LRIG2: variants seen among roughly 807,000 people sequenced by gnomAD.
LRIG2 encodes the protein leucine rich repeats and immunoglobulin like domains 2.
Under a neutral mutation model 107.8 loss-of-function variants are expected in LRIG2, and 93 were observed. The ratio of observed to expected loss-of-function variants is 0.86; its 90% confidence interval spans 0.73 to 1.03. LRIG2 has a LOEUF of 1.03. LRIG2 is among the 50% of genes least tolerant of loss of function. The pLI is 0.00. For synonymous variants in LRIG2, 471 were observed against 470.6 expected (o/e 1.00, Z -0.01); for missense variants, 1,226 against 1,296.0 (o/e 0.95, Z 0.83).
In LRIG2 at chr1:113,125,814, T is replaced by G. The variant is rs1285930711; in HGVS notation, c.*1713T>G. On this transcript the variant is annotated 3_prime_UTR_variant, in exon 18 of 18. Transcript: ENST00000361127. ...AATGCTCTTTGAGTTGCAACAGGTG[T>G]ATTATTTAAATGAGTATTTGAAATT... 1 of 152,234 alleles carries G rather than the reference T, an allele frequency of 6.6e-6. No individual in the cohort carries two copies. Among genetic ancestry groups the G allele is most frequent in the African/African-American group, 2.4e-5 (1 of 41,466 alleles). The allele number at this position is 152,234 out of a possible 1,614,324, so 9.4% of individuals were successfully genotyped here. A position where few individuals can be genotyped will look rare whatever the true frequency, so the allele number is the denominator to read the frequency against.
chr1:113,112,379 G>C (rs1654806479), intron 13 of LRIG2, 100 bp from the exon 14 acceptor site: 2 of 977,150 alleles, frequency 2.0e-6, no homozygotes, highest in African/African-American at 1.6e-5. Context: ...TGGAACATTA[G>C]GGGGTGTCTT....
intron 14 of LRIG2, among the ~76,000 whole-genome samples, chr1:113,113,636 C>A (rs1179415772): frequency 2.6e-5 from 4 of 151,684 alleles, no homozygotes; most frequent in African/African-American, 9.7e-5. Flanking sequence ...AATCTCGGCT[C>A]AGAGCAACCT....
chr1:113,115,574 C>G (rs958024974), intron 15 of LRIG2, among the ~76,000 whole-genome samples: 1 of 149,150 alleles, frequency 6.7e-6, no homozygotes, highest in Admixed American at 6.7e-5. Flanking sequence ...TGTTGCCAGG[C>G]TGGAGTGCAG....
At chr1:113,082,023 T>G (rs555650339) in intron 1 of LRIG2, among the ~76,000 whole-genome samples, 1 of 152,144 alleles carries the variant, frequency 6.6e-6, no homozygotes, top group Non-Finnish European at 1.5e-5. Context: ...CTAAACCAAA[T>G]TGGGCATGAG....
At chr1:113,121,037 C>T (rs1176343898) in intron 17 of LRIG2, among the ~76,000 whole-genome samples, 6 of 150,064 alleles carry the variant, frequency 4.0e-5, no homozygotes, top group Non-Finnish European at 8.9e-5. Flanking sequence ...AGGCTGGTCT[C>T]GAACTGCTGA....
chr1:113,074,908 G>C (rs1185605941), intron 1 of LRIG2, among the ~76,000 whole-genome samples: 27 of 142,890 alleles, frequency 1.9e-4, no homozygotes, highest in African/African-American at 6.8e-4. Context: ...ACTCCGTCTG[G>C]GGGGAGGGAG....
At chr1:113,099,769 TCA>T (rs1177827417) in intron 9 of LRIG2, among the ~76,000 whole-genome samples, 2 of 152,206 alleles carry the variant, frequency 1.3e-5, no homozygotes, top group African/African-American at 4.8e-5. Context: ...GAGCATTCTC[TCA>T]CATAAGATTT....
chr1:113,091,332 A>G lies in LRIG2; in HGVS notation c.254A>G (p.Asn85Ser). Residue 85 changes from asparagine to serine, a missense_variant, in exon 2 of 18, where the codon AAT becomes AGT. Asn to Ser is a conservative substitution (Grantham distance 46). This residue lies in a region of LRIG2 where 570 missense variants were observed against 550.2 expected (regional missense o/e 1.04). Transcript: ENST00000361127. ...PDTAILDFSH[N>S]RLSNWNISLE... ...TCCTCTTTCAGGGATTTCAGTCATA[A>G]TCGGTTGTCTAACTGGAACATCAGC... 1 of 1,605,286 alleles carries G rather than the reference A, an allele frequency of 6.2e-7. No individual in the cohort carries two copies. The highest frequency in any genetic ancestry group is 8.5e-7 in the Non-Finnish European group (1 of 1,174,214).
intron 1 of LRIG2, among the ~76,000 whole-genome samples, chr1:113,076,838 G>C (rs1322091579): frequency 6.6e-6 from 1 of 152,026 alleles, no homozygotes; most frequent in African/African-American, 2.4e-5. Flanking sequence ...AATATTATTT[G>C]ATCATTCAGA....
chr1:113,098,229 C>G (rs575421889), intron 8 of LRIG2, among the ~76,000 whole-genome samples: 1 of 152,202 alleles, frequency 6.6e-6, no homozygotes, highest in African/African-American at 2.4e-5. Context: ...TGCTCTTGAG[C>G]AATGAAACTG....
At chr1:113,093,070 C>A in intron 2 of LRIG2, 136 bp from the exon 3 acceptor site, 1 of 577,736 alleles carries the variant, frequency 1.7e-6, no homozygotes, top group Non-Finnish European at 3.1e-6. Context: ...TTTTTATTTT[C>A]GTCTAACTCA....
At chr1:113,118,932 G>A (rs1485580741) in intron 16 of LRIG2, among the ~76,000 whole-genome samples, 1 of 152,160 alleles carries the variant, frequency 6.6e-6, no homozygotes, top group Non-Finnish European at 1.5e-5. Flanking sequence ...CCAAAGTGCT[G>A]GGATTACAGG....
At chr1:113,100,597 G>T (rs1481021303) in intron 11 of LRIG2, 109 bp downstream of exon 11, 20 of 632,520 alleles carry the variant, frequency 3.2e-5, no homozygotes, top group Non-Finnish European at 5.0e-5. Flanking sequence ...CACAGTTCAG[G>T]CAGGAAAAAA....
intron 1 of LRIG2, among the ~76,000 whole-genome samples, chr1:113,075,241 A>G (rs529284997): frequency 3.7e-4 from 57 of 152,300 alleles, no homozygotes; most frequent in African/African-American, 1.2e-3. Flanking sequence ...CACTAAAAAA[A>G]TAGGTTGAAG....
At position 113,128,900 on chromosome 1, in the gene LRIG2, A is replaced by T. The variant is rs1383824879; in HGVS notation, c.*4799A>T. On this transcript the variant is annotated 3_prime_UTR_variant, in exon 18 of 18. Coordinates refer to ENST00000361127, the MANE Select transcript of LRIG2 (RefSeq NM_014813.3). ...CCTATAATTATATTACTCTCGCTCA[A>T]ATTCTGATAGATTTCCTGAATGGAA... 1 of 152,142 alleles carries T rather than the reference A, an allele frequency of 6.6e-6. No homozygotes were observed. Among genetic ancestry groups the T allele is most frequent in the Non-Finnish European group, 1.5e-5 (1 of 68,036 alleles). The allele number at this position is 152,142 out of a possible 1,614,324, so 9.4% of individuals were successfully genotyped here. A position where few individuals can be genotyped will look rare whatever the true frequency, so the allele number is the denominator to read the frequency against.
intron 1 of LRIG2, among the ~76,000 whole-genome samples, chr1:113,088,688 C>T (rs1653662232): frequency 6.6e-6 from 1 of 152,202 alleles, no homozygotes; most frequent in South Asian, 2.1e-4. Flanking sequence ...GATATTAGCT[C>T]TTCATTTGCC....
rs1342104105 is a variant in LRIG2 at position 113,127,599 on chromosome 1, C to CCCCTAAAG, written c.*3498_*3499insCCCTAAAG. 1.3e-5 allele frequency: 2 copies of CCCCTAAAG among 150,830 alleles called. No individual in the cohort carries two copies. Among genetic ancestry groups the CCCCTAAAG allele is most frequent in the African/African-American group, 4.9e-5 (2 of 40,856 alleles). The allele number at this position is 150,830 out of a possible 1,614,324, so 9.3% of individuals were successfully genotyped here. On this transcript the variant is annotated 3_prime_UTR_variant, in exon 18 of 18. Coordinates refer to ENST00000361127, the MANE Select transcript of LRIG2 (RefSeq NM_014813.3). ...TTTTTTTTTGAGACGGAGTCTCGCT[C>CCCCTAAAG]TGTCACCCAGACTGGAGTGCAGTGG...
In LRIG2 at chr1:113,107,774, T is replaced by A. The variant is rs745649129; in HGVS notation, c.1477+17T>A. On this transcript the variant is annotated intron_variant, in intron 12 of 17. Transcript: ENST00000361127. ...TTGTCTGTGGTTTGTATTTTTGTTT[T>A]AAAATTTTATATATTACACACTTAT... 1.5e-5 allele frequency: 24 copies of A among 1,598,484 alleles called. No homozygotes were observed. In the East Asian group the frequency reaches 5.0e-4, roughly 33 times the overall value.
chr1:113,083,699 C>G (rs1653394726), intron 1 of LRIG2, among the ~76,000 whole-genome samples: 1 of 151,554 alleles, frequency 6.6e-6, no homozygotes, highest in African/African-American at 2.4e-5. Context: ...CATCCTCTGC[C>G]CATCAGGCTT....
Sources: allele counts gnomAD v4.1 joint callset (sites outside exome capture counted in the v4.1 genomes callset), GRCh38; gene constraint gnomAD v4.1.1; regional missense constraint gnomAD v4.1.1; transcripts MANE v1.5; gene names NCBI Gene and HGNC (gene_info 2026-07-23, HGNC 2026-07-21).